GTPBP10: variants seen among roughly 807,000 people sequenced by gnomAD.
GTPBP10 encodes GTP binding protein 10.
GTPBP10 carries 38 observed loss-of-function variants against 44.8 expected under a neutral mutation model. That is an observed-to-expected ratio of 0.85 (90% confidence interval 0.65 to 1.11). GTPBP10 has a LOEUF of 1.11. Among genes scored for constraint, GTPBP10 ranks in the 50% most tolerant of loss-of-function variants. The pLI, the probability that GTPBP10 is intolerant of heterozygous loss-of-function variation, is 0.00. For synonymous variants in GTPBP10, 152 were observed against 150.6 expected, an observed-to-expected ratio of 1.01 and a Z score of -0.07; for missense variants, 462 against 453.7, an observed-to-expected ratio of 1.02 and a Z score of -0.17.
At chr7:90,364,480 A>G (rs577386823) in intron 4 of GTPBP10, among the ~76,000 whole-genome samples, 1 of 152,254 alleles carries the variant, frequency 6.6e-6, no homozygotes, top group Admixed American at 6.5e-5. Flanking sequence ...TTGCTGCCTG[A>G]TCGTTCCTCT....
Position 90,390,727 on chromosome 7 carries a change from C to T in GTPBP10, c.*5573C>T, listed in dbSNP as rs1796599252. 6.6e-6 allele frequency: 1 copy of T among 152,010 alleles called. No homozygotes were observed. Among genetic ancestry groups the T allele is most frequent in the Non-Finnish European group, 1.5e-5 (1 of 68,004 alleles). 9.4% of individuals were successfully genotyped at this position (152,010 alleles called of 1,614,324 possible). On this transcript the variant is annotated 3_prime_UTR_variant, in exon 10 of 10. Coordinates refer to ENST00000222511, the MANE Select transcript of GTPBP10 (RefSeq NM_033107.4). Reference sequence around the variant, plus strand: ...CTTCCTTTGTTCATGGCCCATATTCCAGTATATTTTTCTGAAACTGCCAAT... The same window carrying T: ...CTTCCTTTGTTCATGGCCCATATTCTAGTATATTTTTCTGAAACTGCCAAT...
chr7:90,348,102 T>C (rs115541351), intron 1 of GTPBP10, among the ~76,000 whole-genome samples: 214 of 152,144 alleles, frequency 1.4e-3, no homozygotes, highest in African/African-American at 4.4e-3. Context: ...TCCCAGCCAT[T>C]TGGGAGGCTG....
chr7:90,357,735 A>T (rs1042571905), intron 4 of GTPBP10, among the ~76,000 whole-genome samples: 1 of 152,206 alleles, frequency 6.6e-6, no homozygotes, highest in African/African-American at 2.4e-5. Flanking sequence ...TAATGAAAAT[A>T]TATGAATGAG....
At chr7:90,360,938 A>G (rs201355829) in intron 4 of GTPBP10, among the ~76,000 whole-genome samples, 6 of 152,004 alleles carry the variant, frequency 3.9e-5, no homozygotes, top group African/African-American at 1.2e-4. Context: ...CTCTCTGTTT[A>G]TCTGTTATTG....
rs1795823794 is a variant in GTPBP10, at chr7:90,352,993, G to C, written c.211G>C (p.Val71Leu). 5 of 1,595,074 alleles carry C rather than the reference G, an allele frequency of 3.1e-6. No homozygotes were observed. In the East Asian group the frequency reaches 9.0e-5, roughly 29 times the overall value. Residue 71 changes from valine to leucine, a missense_variant, in exon 2 of 10, where the codon GTA becomes CTA. Transcript: ENST00000222511. ...TCCTCGGAAACGGTTTGTGGCTGGA[G>C]TAGGAGCAAACAGCAAGTAAGTAAT... ...RYPRKRFVAGVGANSKISALK... is the reference protein window; with the variant it reads ...RYPRKRFVAGLGANSKISALK...
At position 90,355,226 on chromosome 7, in the gene GTPBP10, G is replaced by C; in HGVS notation, c.460G>C (p.Val154Leu). 6.3e-7 allele frequency: 1 copy of C among 1,576,388 alleles called. No homozygotes were observed. Among genetic ancestry groups the C allele is most frequent in the African/African-American group, 1.4e-5 (1 of 73,442 alleles). Reference sequence around the variant, plus strand: ...AAAACTTATAGCTGATGTAGGCCTAGTAGGGTAAGTATCGTTCATATTTTT... The same window carrying C: ...AAAACTTATAGCTGATGTAGGCCTACTAGGGTAAGTATCGTTCATATTTTT... Reference protein sequence around the residue: ...DLKLIADVGLVGFPNAGKSSL... With the variant: ...DLKLIADVGLLGFPNAGKSSL... The change falls in exon 4 of 10, where the codon GTA becomes CTA. Residue 154 changes from valine to leucine, a missense_variant. Val to Leu is a conservative substitution (Grantham distance 32). Coordinates refer to ENST00000222511, the MANE Select transcript of GTPBP10 (RefSeq NM_033107.4).
At chr7:90,351,237 G>A (rs577690126) in intron 1 of GTPBP10, among the ~76,000 whole-genome samples, 2 of 152,130 alleles carry the variant, frequency 1.3e-5, no homozygotes, top group African/African-American at 4.8e-5. Context: ...ATGCTGCCAT[G>A]TAAGATCTGT....
At chr7:90,349,649 A>G (rs1795749768) in intron 1 of GTPBP10, among the ~76,000 whole-genome samples, 2 of 152,202 alleles carry the variant, frequency 1.3e-5, no homozygotes. Context: ...GATTACAAAC[A>G]CAACTGCATT....
At chr7:90,365,690 A>G (rs1010279362) in intron 4 of GTPBP10, among the ~76,000 whole-genome samples, 1 of 152,184 alleles carries the variant, frequency 6.6e-6, no homozygotes, top group Non-Finnish European at 1.5e-5. Flanking sequence ...TTTTCTAAAT[A>G]TACAATCATG....
intron 4 of GTPBP10, among the ~76,000 whole-genome samples, chr7:90,364,980 G>T (rs1242326185): frequency 1.3e-5 from 2 of 152,212 alleles, no homozygotes; most frequent in Non-Finnish European, 2.9e-5. Flanking sequence ...CATTGGAAAA[G>T]TGCAGTATTA....
intron 4 of GTPBP10, among the ~76,000 whole-genome samples, chr7:90,358,682 CT>C (rs1316327311): frequency 1.3e-5 from 2 of 152,172 alleles, no homozygotes; most frequent in South Asian, 2.1e-4. Flanking sequence ...AGGAAAAACC[CT>C]TCTGGACATT....
intron 6 of GTPBP10, among the ~76,000 whole-genome samples, chr7:90,375,295 ATATAG>A (rs1562959652): frequency 6.6e-6 from 1 of 152,274 alleles, no homozygotes; most frequent in African/African-American, 2.4e-5. Flanking sequence ...AGTACAATAC[ATATAG>A]TAAAGTATGA....
intron 4 of GTPBP10, among the ~76,000 whole-genome samples, chr7:90,369,565 C>A (rs1434619556): frequency 6.6e-6 from 1 of 152,204 alleles, no homozygotes; most frequent in East Asian, 1.9e-4. Context: ...CATGGCAGGT[C>A]AATCTCAGAC....
At chr7:90,354,394 GTA>G (rs1397607057) in intron 2 of GTPBP10, 62 bp from the exon 3 acceptor site, 12 of 672,630 alleles carry the variant, frequency 1.8e-5, no homozygotes, top group East Asian at 9.1e-5. Context: ...CATTTTGTGT[GTA>G]TGTGTGTGTG....
At chr7:90,366,913 T>C (rs1244529009) in intron 4 of GTPBP10, among the ~76,000 whole-genome samples, 1 of 152,208 alleles carries the variant, frequency 6.6e-6, no homozygotes, top group Non-Finnish European at 1.5e-5. Flanking sequence ...TGCTTTCTCT[T>C]GTGGGCATTT....
intron 4 of GTPBP10, among the ~76,000 whole-genome samples, chr7:90,368,202 C>T (rs1220437167): frequency 1.3e-5 from 2 of 152,176 alleles, no homozygotes; most frequent in Non-Finnish European, 2.9e-5. Flanking sequence ...TTCTCTCTGG[C>T]TGCCCTTAAT....
intron 1 of GTPBP10, among the ~76,000 whole-genome samples, chr7:90,351,771 C>T (rs1795795349): frequency 6.6e-6 from 1 of 152,184 alleles, no homozygotes; most frequent in Non-Finnish European, 1.5e-5. Context: ...TCTCGGCCCA[C>T]TGCAAGCTCT....
rs771635526 is a variant in GTPBP10, at chr7:90,372,140, A to G, written c.465-15A>G. 2 of 1,536,834 alleles carry G rather than the reference A, an allele frequency of 1.3e-6. No individual in the cohort carries two copies. The highest frequency in any genetic ancestry group is 1.8e-6 in the Non-Finnish European group (2 of 1,114,656). ...AATATTGACATTTGTGTATAATTTT[A>G]TATTCTTGTTTCAGATTCCCAAATG... On this transcript the variant is annotated splice_polypyrimidine_tract_variant and intron_variant, in intron 4 of 9. Transcript: ENST00000222511.
At position 90,385,179 on chromosome 7, in the gene GTPBP10, A is replaced by T. The variant is rs567455204; in HGVS notation, c.*25A>T. On this transcript the variant is annotated 3_prime_UTR_variant, in exon 10 of 10. Transcript: ENST00000222511. ...AATATATTAAAAATGGTATTGATGG[A>T]ACAGTATTTAATGCTTAAAAACAAG... is the stretch of plus-strand genomic sequence containing the variant. 71 of 1,500,844 alleles carry T rather than the reference A, an allele frequency of 4.7e-5. 1 individual carries two copies. The South Asian group carries it at 8.0e-4, about 17-fold the overall frequency. 93.0% of individuals were successfully genotyped at this position (1,500,844 alleles called of 1,614,324 possible).
Sources: gnomAD v4.1 joint callset for allele counts (sites outside exome capture counted in the v4.1 genomes callset) on GRCh38, gnomAD v4.1.1 for gene constraint, MANE v1.5 for transcripts, NCBI Gene and HGNC (gene_info 2026-07-23, HGNC 2026-07-21) for gene names.